PLA2G15: variants seen among roughly 807,000 people sequenced by gnomAD.
PLA2G15 encodes lysosomal phospholipase A and acyltransferase.
Under a neutral mutation model 40.9 loss-of-function variants are expected in PLA2G15, and 20 were observed. The ratio of observed to expected loss-of-function variants is 0.49; its 90% CI spans 0.34 to 0.71. The LOEUF (loss-of-function observed/expected upper bound fraction) is 0.71, where lower values mean the gene tolerates loss of function less well. Among genes scored for constraint, PLA2G15 ranks in the 30% least tolerant of loss-of-function variants. The pLI, the probability that PLA2G15 is intolerant of heterozygous loss-of-function variation, is 0.01. For missense variants in PLA2G15, 471 were observed against 541.9 expected (o/e 0.87, Z 1.30); for synonymous variants, 223 against 228.2 (o/e 0.98, Z 0.21).
rs897322169 is a variant in PLA2G15 at position 68,253,360 on chromosome 16, T to C, written c.285-1559T>C. The C allele has an allele frequency of 1.9e-5, 8 of 417,808 alleles. No individual in the cohort carries two copies. In the East Asian group the frequency reaches 2.3e-4, roughly 12 times the overall value. 25.9% of individuals were successfully genotyped at this position (417,808 alleles called of 1,614,324 possible). On this transcript the variant is annotated intron_variant, in intron 2 of 5. Transcript: ENST00000219345. ...GCAGCCCTGAGGCATGGTGCCTTTC[T>C]AGGGTTTGTTTTTGTTTGTTTGTTT...
chr16:68,255,310 C>T lies in PLA2G15; in HGVS notation c.432C>T (p.Ser144=). Residue 144 remains serine, a synonymous_variant, in exon 4 of 6, where the codon AGC becomes AGT. Transcript: ENST00000219345. The surrounding 1 kb of genome is among the most constrained non-coding windows in gnomAD (Gnocchi z 5.9). ...CCTATTTCCACACCATGGTGGAGAG[C>T]CTTGTGGGCTGGGGCTACACACGGG... The part of the protein sequence containing the change: ...VGSYFHTMVE[S]LVGWGYTRGE... The T allele has an allele frequency of 6.2e-7, 1 of 1,613,864 alleles. No homozygotes were observed. The highest frequency in any genetic ancestry group is 8.5e-7 in the Non-Finnish European group (1 of 1,179,808).
At chr16:68,258,986 G>T in intron 5 of PLA2G15, 160 bp from the exon 6 acceptor site, 1 of 634,068 alleles carries the variant, frequency 1.6e-6, no homozygotes. Flanking sequence ...AGCCAAGGCA[G>T]GGATGGGAGT....
intron 1 of PLA2G15, among the ~76,000 whole-genome samples, chr16:68,246,137 G>T (rs1470747659): frequency 3.3e-5 from 5 of 152,252 alleles, no homozygotes; most frequent in Non-Finnish European, 7.3e-5. Flanking sequence ...AGGGGAAAGG[G>T]TTGGGACAAT....
In PLA2G15 at chr16:68,249,283, C is replaced by G. The variant is rs2042334746; in HGVS notation, c.128-7C>G. The G allele has an allele frequency of 6.2e-7, 1 of 1,613,806 alleles. No individual in the cohort carries two copies. The highest frequency in any genetic ancestry group is 1.3e-5 in the African/African-American group (1 of 74,910). The stretch of plus-strand genomic sequence containing the variant: ...GAGGGCTCACACATGTCCTGTGCCC[C>G]CTGCAGTCCCTGGTGATTTGGGTAA... On this transcript the variant is annotated splice_region_variant and splice_polypyrimidine_tract_variant and intron_variant, in intron 1 of 5. Transcript: ENST00000219345.
At chr16:68,258,179 G>A (rs1185208445) in intron 5 of PLA2G15, among the ~76,000 whole-genome samples, 4 of 152,184 alleles carry the variant, frequency 2.6e-5, no homozygotes, top group Admixed American at 6.5e-5. Context: ...TAGGGACTCC[G>A]CCTCCATCTG....
chr16:68,245,460 C>T lies in PLA2G15; in HGVS notation c.34C>T (p.Leu12=). Residue 12 remains leucine (L), a synonymous_variant, in exon 1 of 6, where the codon CTG becomes TTG. Transcript: ENST00000219345. ...CCACCTCCGCCCCTACCGTGTGGGG[C>T]TGCTCCCGGATGGCCTCCTGTTCCT... ...GLHLRPYRVG[L]LPDGLLFLLL... 1 of 1,606,286 alleles carries T rather than the reference C, an allele frequency of 6.2e-7. No homozygotes were observed. The highest frequency in any genetic ancestry group is 8.5e-7 in the Non-Finnish European group (1 of 1,179,750).
At position 68,255,333 on chromosome 16, in the gene PLA2G15, G is replaced by A. The variant is rs537476925; in HGVS notation, c.455G>A (p.Arg152Gln). The change falls in exon 4 of 6, where the codon CGG becomes CAG. Residue 152 changes from arginine (R) to glutamine (Q), a missense_variant. By Grantham distance (43) the Arg-to-Gln change is conservative. Transcript: ENST00000219345. This position sits in a 1 kb window ranked among gnomAD's most constrained non-coding sequence, Gnocchi z 5.9. ...VESLVGWGYTRGEDVRGAPYD... is the reference protein window; with the variant it reads ...VESLVGWGYTQGEDVRGAPYD... ...AGCCTTGTGGGCTGGGGCTACACAC[G>A]GGGTGAGGATGTCCGAGGGGCTCCC... 43 of 1,613,802 alleles carry A rather than the reference G, an allele frequency of 2.7e-5. No individual in the cohort carries two copies. The highest frequency in any genetic ancestry group is 5.0e-5 in the Admixed American group (3 of 59,952).
Position 68,254,906 on chromosome 16 carries a change from C to A in PLA2G15, c.285-13C>A. 6.5e-7 allele frequency: 1 copy of A among 1,550,288 alleles called. No individual in the cohort carries two copies. Among genetic ancestry groups the A allele is most frequent in the Non-Finnish European group, 8.9e-7 (1 of 1,122,296 alleles). ...CCCCTCCGGGTCACTGGCTCAATAT[C>A]CTCTCACAACAGGCTGGTTTACAAC... is the stretch of plus-strand genomic sequence containing the variant. On this transcript the variant is annotated splice_polypyrimidine_tract_variant and intron_variant, in intron 2 of 5. Coordinates refer to ENST00000219345, the MANE Select transcript of PLA2G15 (RefSeq NM_012320.4).
intron 2 of PLA2G15, among the ~76,000 whole-genome samples, chr16:68,251,307 T>A (rs2042353282): frequency 6.6e-6 from 1 of 152,226 alleles, no homozygotes; most frequent in African/African-American, 2.4e-5. Flanking sequence ...AGTGTGTGTC[T>A]GTTTTATCCT....
At chr16:68,254,620 G>A (rs948035622) in intron 2 of PLA2G15, 5 of 218,622 alleles carry the variant, frequency 2.3e-5, no homozygotes, top group East Asian at 1.3e-4. Context: ...ATTAACAGGC[G>A]TGAGCCACTG....
chr16:68,254,351 A>ATTTAT (rs1474973014), intron 2 of PLA2G15: 1 of 139,370 alleles, frequency 7.2e-6, no homozygotes, highest in Non-Finnish European at 1.6e-5. Context: ...TTATTTATTT[A>ATTTAT]TTTTTTTGAG....
chr16:68,246,801 AGACGT>A (rs1370714507), intron 1 of PLA2G15, among the ~76,000 whole-genome samples: 1 of 152,134 alleles, frequency 6.6e-6, no homozygotes, highest in African/African-American at 2.4e-5. Context: ...GGTCGGGGAG[AGACGT>A]GAGCATCTCA....
chr16:68,253,446 G>T (rs544020543), intron 2 of PLA2G15: 7 of 437,018 alleles, frequency 1.6e-5, no homozygotes, highest in African/African-American at 4.1e-5. Context: ...GCGCAATCTC[G>T]GCTCACTACA....
At position 68,253,438 on chromosome 16, in the gene PLA2G15, G is replaced by A. The variant is rs565214744; in HGVS notation, c.285-1481G>A. 35 of 423,682 alleles carry A rather than the reference G, an allele frequency of 8.3e-5. No homozygotes were observed. The East Asian group carries it at 2.3e-3, about 28-fold the overall frequency. The allele number at this position is 423,682 out of a possible 1,614,324, so 26.2% of individuals were successfully genotyped here. ...ATTGCCCAGGCTGGAGTGCAGTGGC[G>A]CAATCTCGGCTCACTACACCTCTGC... On this transcript the variant is annotated intron_variant, in intron 2 of 5. Transcript: ENST00000219345.
chr16:68,250,261 CTTTT>C, intron 2 of PLA2G15: 3 of 303,614 alleles, frequency 9.9e-6, no homozygotes, highest in South Asian at 2.3e-5. Context: ...GCTCACAACT[CTTTT>C]TTTTTTTTTT....
At position 68,260,866 on chromosome 16, in the gene PLA2G15, C is replaced by A. The variant is rs1277334780; in HGVS notation, c.*1209C>A. On this transcript the variant is annotated 3_prime_UTR_variant, in exon 6 of 6. Coordinates refer to ENST00000219345, the MANE Select transcript of PLA2G15 (RefSeq NM_012320.4). ...GCCACAGGCCGAGAAAAGGGTACAG[C>A]CTCTAGGTGGGGTTCCCAAAGACGC... is the stretch of plus-strand genomic sequence containing the variant. 2 of 152,346 alleles carry A rather than the reference C, an allele frequency of 1.3e-5. No individual in the cohort carries two copies. The highest frequency in any genetic ancestry group is 2.9e-5 in the Non-Finnish European group (2 of 68,124). 9.4% of individuals were successfully genotyped at this position (152,346 alleles called of 1,614,324 possible). A position where few individuals can be genotyped will look rare whatever the true frequency, so the allele number is the denominator to read the frequency against.
Position 68,255,755 on chromosome 16 carries a change from C to G in PLA2G15, c.503-11C>G. ...CTTCCCACCTGACCCCTGCCTGGCT[C>G]TGGCCTGCAGATGAAAACGGGCCCT... On this transcript the variant is annotated splice_polypyrimidine_tract_variant and intron_variant, in intron 4 of 5. Coordinates refer to ENST00000219345, the MANE Select transcript of PLA2G15 (RefSeq NM_012320.4). This position sits in a 1 kb window ranked among gnomAD's most constrained non-coding sequence, Gnocchi z 5.9. The G allele has an allele frequency of 1.2e-6, 2 of 1,612,500 alleles. No homozygotes were observed. Among genetic ancestry groups the G allele is most frequent in the Non-Finnish European group, 1.7e-6 (2 of 1,178,486 alleles).
intron 5 of PLA2G15, chr16:68,258,736 C>T (rs2042419995): frequency 5.4e-6 from 1 of 183,646 alleles, no homozygotes; most frequent in Middle Eastern, 2.5e-3. Flanking sequence ...TGAGCCAAGA[C>T]TGTACCACTG....
In PLA2G15 at chr16:68,255,093, G is replaced by T; in HGVS notation, c.403+56G>T. On this transcript the variant is annotated intron_variant, in intron 3 of 5. Transcript: ENST00000219345. This position sits in a 1 kb window ranked among gnomAD's most constrained non-coding sequence, Gnocchi z 5.9. The stretch of plus-strand genomic sequence containing the variant: ...GCTGGGATGGGGTTTCTGCCGGACT[G>T]GAGCTGGAGCTGGAGGAACTCTGCT... 8.5e-7 allele frequency: 1 copy of T among 1,178,322 alleles called. No homozygotes were observed. The highest frequency in any genetic ancestry group is 1.3e-6 in the Non-Finnish European group (1 of 785,814). The allele number at this position is 1,178,322 out of a possible 1,614,324, so 73.0% of individuals were successfully genotyped here.
Sources: gnomAD v4.1 joint callset for allele counts (sites outside exome capture counted in the v4.1 genomes callset) on GRCh38, gnomAD v4.1.1 for gene constraint, Gnocchi (gnomAD v3.1) non-coding constraint, MANE v1.5 for transcripts, NCBI Gene and HGNC (gene_info 2026-07-23, HGNC 2026-07-21) for gene names.